The following DOCK9 variants were observed in gnomAD, a reference collection of about 807,000 sequenced individuals.
The protein encoded by DOCK9 is dedicator of cytokinesis 9, also known as dedicator of cytokinesis protein 9.
Under a neutral mutation model 263.3 loss-of-function variants are expected in DOCK9, and 89 were observed. The ratio of observed to expected loss-of-function variants is 0.34; its 90% CI spans 0.28 to 0.40. DOCK9 has a LOEUF of 0.40. Among genes scored for constraint, DOCK9 ranks in the 10% least tolerant of loss-of-function variants. DOCK9 has a pLI of 1.00. For missense variants in DOCK9, 2,140 were observed against 2,603.4 expected (o/e 0.82, Z 3.87); for synonymous variants, 976 against 973.1 (o/e 1.00, Z -0.06).
intron 7 of DOCK9, among the ~76,000 whole-genome samples, chr13:98,920,280 G>C (rs1291247298): frequency 6.6e-6 from 1 of 152,136 alleles, no homozygotes; most frequent in Non-Finnish European, 1.5e-5. Context: ...AAGTACATAA[G>C]CCCTATGATA....
At chr13:99,002,721 T>C (rs1368282489) in intron 1 of DOCK9, among the ~76,000 whole-genome samples, 1 of 152,218 alleles carries the variant, frequency 6.6e-6, no homozygotes, top group East Asian at 1.9e-4. Context: ...CCATGCACTG[T>C]CCTGACTTCA....
intron 1 of DOCK9, among the ~76,000 whole-genome samples, chr13:99,038,726 T>A (rs921863506): frequency 1.3e-5 from 2 of 152,236 alleles, no homozygotes; most frequent in Non-Finnish European, 2.9e-5. Flanking sequence ...ATGGCATCTG[T>A]CTTGGGAAAG....
intron 1 of DOCK9, among the ~76,000 whole-genome samples, chr13:99,004,863 C>T (rs982329953): frequency 6.6e-6 from 1 of 151,688 alleles, no homozygotes; most frequent in Non-Finnish European, 1.5e-5. Flanking sequence ...TCCAAACCTT[C>T]GTATACACTA....
chr13:98,995,249 T>A (rs1401379143), intron 1 of DOCK9, among the ~76,000 whole-genome samples: 2 of 152,120 alleles, frequency 1.3e-5, no homozygotes, highest in East Asian at 3.9e-4. Context: ...TCGTGTGAAG[T>A]AAAAACATTA....
chr13:98,879,793 G>A, intron 27 of DOCK9, 105 bp downstream of exon 27: 1 of 905,432 alleles, frequency 1.1e-6, no homozygotes, highest in South Asian at 1.7e-5. Flanking sequence ...ACTTAGAACA[G>A]TCCTGTAACT....
At chr13:98,901,282 T>C (rs926616774) in intron 13 of DOCK9, among the ~76,000 whole-genome samples, 2 of 152,246 alleles carry the variant, frequency 1.3e-5, no homozygotes, top group African/African-American at 4.8e-5. Flanking sequence ...ATACATCATG[T>C]ATGTTTTCTT....
At chr13:99,050,994 G>A (rs1031070177) in intron 1 of DOCK9, among the ~76,000 whole-genome samples, 1 of 152,198 alleles carries the variant, frequency 6.6e-6, no homozygotes, top group Non-Finnish European at 1.5e-5. Flanking sequence ...GAAGGATGAA[G>A]AACTCAGTGG....
chr13:98,881,169 T>C (rs1364826040), intron 25 of DOCK9, among the ~76,000 whole-genome samples: 1 of 152,034 alleles, frequency 6.6e-6, no homozygotes, highest in East Asian at 1.9e-4. Flanking sequence ...AATTTGACTG[T>C]AGCCAGAGCT....
chr13:98,887,395 T>C (rs1174255303), intron 18 of DOCK9, among the ~76,000 whole-genome samples: 1 of 150,638 alleles, frequency 6.6e-6, no homozygotes, highest in African/African-American at 2.4e-5. Context: ...GGTGGGCAGA[T>C]CACACGGTCA....
chr13:98,847,663 T>G (rs1027687310), intron 37 of DOCK9: 1 of 152,248 alleles, frequency 6.6e-6, no homozygotes, highest in African/African-American at 2.4e-5. Flanking sequence ...ATCTCTGGCC[T>G]ATTTCATCAC....
At chr13:98,894,994 C>T (rs1166021064) in intron 15 of DOCK9, among the ~76,000 whole-genome samples, 70 of 132,816 alleles carry the variant, frequency 5.3e-4, no homozygotes, top group African/African-American at 1.8e-3. Context: ...ATTAGCGGGG[C>T]GTGGCAGCAT....
At chr13:99,022,315 A>G (rs1020080449) in intron 1 of DOCK9, among the ~76,000 whole-genome samples, 1 of 152,214 alleles carries the variant, frequency 6.6e-6, no homozygotes, top group Non-Finnish European at 1.5e-5. Context: ...TTTGCTAAAA[A>G]TATATCCCTA....
intron 1 of DOCK9, among the ~76,000 whole-genome samples, chr13:98,965,622 AT>A (rs887464738): frequency 4.6e-5 from 7 of 152,204 alleles, no homozygotes; most frequent in Admixed American, 1.3e-4. Flanking sequence ...CGATGCCTAC[AT>A]TTTAATTTTG....
chr13:99,038,638 T>A (rs2142112102), intron 1 of DOCK9, among the ~76,000 whole-genome samples: 1 of 152,146 alleles, frequency 6.6e-6, no homozygotes, highest in Non-Finnish European at 1.5e-5. Context: ...TAGCTTCTGA[T>A]AAAAGAGAAA....
At chr13:98,849,920 A>C (rs1287426997) in intron 36 of DOCK9, 127 bp downstream of exon 36, 1 of 666,866 alleles carries the variant, frequency 1.5e-6, no homozygotes, top group Non-Finnish European at 2.6e-6. Context: ...ACCATGAGAA[A>C]GGGCTTAAGG....
intron 1 of DOCK9, among the ~76,000 whole-genome samples, chr13:98,999,314 A>ACT (rs1277358248): frequency 9.3e-6 from 1 of 107,928 alleles, no homozygotes; most frequent in South Asian, 3.8e-4. Context: ...ACACACACAC[A>ACT]CACTCTCTCT....
intron 15 of DOCK9, among the ~76,000 whole-genome samples, chr13:98,893,289 T>C (rs1047391067): frequency 6.6e-6 from 1 of 152,158 alleles, no homozygotes; most frequent in African/African-American, 2.4e-5. Context: ...AGTAGTATTA[T>C]TACCTAAACT....
intron 1 of DOCK9, among the ~76,000 whole-genome samples, chr13:99,022,322 C>T (rs1438832338): frequency 2.0e-5 from 3 of 152,034 alleles, no homozygotes; most frequent in Non-Finnish European, 4.4e-5. Flanking sequence ...AAAATATATC[C>T]CTAAAGTTAT....
chr13:98,845,099 G>A (rs1449220951), intron 38 of DOCK9, among the ~76,000 whole-genome samples: 1 of 152,134 alleles, frequency 6.6e-6, no homozygotes, highest in Non-Finnish European at 1.5e-5. Context: ...GTTCTGCTTT[G>A]AGAAACCCTT....
Sources: allele counts gnomAD v4.1 joint callset (sites outside exome capture counted in the v4.1 genomes callset), GRCh38; gene constraint gnomAD v4.1.1; transcripts MANE v1.5; gene names NCBI Gene and HGNC (gene_info 2026-07-23, HGNC 2026-07-21).